VEGFC: variants seen among roughly 807,000 people sequenced by gnomAD.
VEGFC encodes the protein FLT4 ligand DHM.
In VEGFC, 12 loss-of-function variants were observed where a neutral mutation model predicts 46.1. That is an observed-to-expected ratio of 0.26 (90% CI 0.17 to 0.42). VEGFC has a LOEUF of 0.42. VEGFC is among the 10% of genes least tolerant of loss of function. The probability of loss-of-function intolerance (pLI) is 1.00; values close to 1 mark genes in which losing one functional copy is unlikely to be tolerated. For synonymous variants in VEGFC, 232 were observed against 195.5 expected, an observed-to-expected ratio of 1.19 and a Z score of -1.56; for missense variants, 488 against 529.4, an observed-to-expected ratio of 0.92 and a Z score of 0.77.
chr4:176,736,550 A>G (rs1455093510), intron 1 of VEGFC, among the ~76,000 whole-genome samples: 2 of 151,710 alleles, frequency 1.3e-5, no homozygotes, highest in Admixed American at 6.6e-5. Flanking sequence ...AGAATTTAAC[A>G]TAATGCTTAG....
At chr4:176,684,075 G>T in intron 6 of VEGFC, 35 bp from the exon 7 acceptor site, 2 of 1,499,784 alleles carry the variant, frequency 1.3e-6, no homozygotes, top group Non-Finnish European at 1.9e-6. Context: ...TTACGTTAAA[G>T]ATCAAGGCAA....
intron 1 of VEGFC, among the ~76,000 whole-genome samples, chr4:176,777,052 G>T (rs13130742): frequency 0.24 from 36,333 of 152,072 alleles, 5,300 homozygotes; most frequent in Middle Eastern, 0.38. Flanking sequence ...GGTAGCTCAC[G>T]CCTGTAATCC....
chr4:176,736,422 C>A (rs1735055252), intron 1 of VEGFC, among the ~76,000 whole-genome samples: 1 of 151,836 alleles, frequency 6.6e-6, no homozygotes, highest in Non-Finnish European at 1.5e-5. Flanking sequence ...CACTTATCAC[C>A]TGTGGAACTT....
intron 4 of VEGFC, chr4:176,689,448 T>C (rs1265013364): frequency 6.6e-6 from 1 of 152,194 alleles, no homozygotes; most frequent in Non-Finnish European, 1.5e-5. Context: ...ACATCATTTC[T>C]GAAGATTTAC....
intron 1 of VEGFC, among the ~76,000 whole-genome samples, chr4:176,752,764 A>C (rs534440137): frequency 1.8e-4 from 27 of 152,192 alleles, no homozygotes; most frequent in Non-Finnish European, 3.1e-4. Context: ...TAGAATTAGA[A>C]CTTGGCTAAT....
intron 1 of VEGFC, among the ~76,000 whole-genome samples, chr4:176,758,417 G>A (rs1735469999): frequency 6.6e-6 from 1 of 152,068 alleles, no homozygotes; most frequent in Admixed American, 6.6e-5. Context: ...TTCATATTTA[G>A]ATGAACAAGT....
intron 4 of VEGFC, among the ~76,000 whole-genome samples, chr4:176,710,601 TTTC>T (rs1285673466): frequency 6.6e-6 from 1 of 152,172 alleles, no homozygotes; most frequent in African/African-American, 2.4e-5. Context: ...AATGTAAGGT[TTTC>T]TTTTTTGTAA....
intron 4 of VEGFC, among the ~76,000 whole-genome samples, chr4:176,696,826 G>A (rs1416494143): frequency 4.9e-4 from 75 of 152,172 alleles, no homozygotes; most frequent in Admixed American, 4.6e-3. Flanking sequence ...CAGAAATAAC[G>A]CCGCATATCT....
intron 3 of VEGFC, among the ~76,000 whole-genome samples, chr4:176,725,064 A>G (rs1162978482): frequency 6.6e-6 from 1 of 152,186 alleles, no homozygotes; most frequent in Non-Finnish European, 1.5e-5. Context: ...CTGCAAGAGA[A>G]GTACTGTATT....
intron 4 of VEGFC, among the ~76,000 whole-genome samples, chr4:176,703,488 G>C (rs910311259): frequency 6.6e-6 from 1 of 151,984 alleles, no homozygotes; most frequent in African/African-American, 2.4e-5. Flanking sequence ...GGTCAGTTGT[G>C]GGGGGAATGA....
chr4:176,699,813 T>C (rs983329653), intron 4 of VEGFC, among the ~76,000 whole-genome samples: 1 of 152,208 alleles, frequency 6.6e-6, no homozygotes, highest in African/African-American at 2.4e-5. Context: ...GAAATACATA[T>C]ATTTTAGGTT....
chr4:176,775,960 A>G (rs745567351), intron 1 of VEGFC, among the ~76,000 whole-genome samples: 2 of 152,180 alleles, frequency 1.3e-5, no homozygotes, highest in Non-Finnish European at 2.9e-5. Flanking sequence ...GAAATGTGGC[A>G]ATTGAATAAA....
intron 1 of VEGFC, among the ~76,000 whole-genome samples, chr4:176,740,242 AAT>A (rs1326477604): frequency 1.3e-3 from 151 of 117,380 alleles, no homozygotes; most frequent in Non-Finnish European, 1.5e-3. Flanking sequence ...CTATATATAG[AAT>A]ATATATATAG....
intron 1 of VEGFC, among the ~76,000 whole-genome samples, chr4:176,735,818 C>CAAA (rs1018834211): frequency 6.6e-6 from 1 of 151,840 alleles, no homozygotes; most frequent in Admixed American, 6.6e-5. Flanking sequence ...AGGTCATTTT[C>CAAA]AAAATCATCA....
intron 4 of VEGFC, among the ~76,000 whole-genome samples, chr4:176,692,229 C>T (rs1252343054): frequency 6.8e-6 from 1 of 146,290 alleles, no homozygotes; most frequent in Non-Finnish European, 1.5e-5. Context: ...CCCGTCTCTA[C>T]TAAAAATACA....
intron 6 of VEGFC, among the ~76,000 whole-genome samples, chr4:176,685,028 G>A (rs936033945): frequency 6.6e-6 from 1 of 152,146 alleles, no homozygotes; most frequent in Admixed American, 6.6e-5. Context: ...CGCCTGGTGA[G>A]AATTGGAGCT....
At chr4:176,748,238 CT>C in intron 1 of VEGFC, among the ~76,000 whole-genome samples, 1 of 152,142 alleles carries the variant, frequency 6.6e-6, no homozygotes, top group Non-Finnish European at 1.5e-5. Flanking sequence ...AGAATGATTA[CT>C]TTACCATAAT....
intron 4 of VEGFC, among the ~76,000 whole-genome samples, chr4:176,694,690 C>T (rs1734275887): frequency 6.8e-6 from 1 of 146,834 alleles, no homozygotes; most frequent in Admixed American, 6.8e-5. Flanking sequence ...TTTTCAGCAC[C>T]ACACCACACC....
intron 3 of VEGFC, among the ~76,000 whole-genome samples, chr4:176,726,769 A>G (rs527863661): frequency 3.3e-5 from 5 of 152,342 alleles, no homozygotes; most frequent in South Asian, 2.1e-4. Context: ...AACCATGTAG[A>G]TCAGCTAAAG....
Sources: gnomAD v4.1 joint callset for allele counts (sites outside exome capture counted in the v4.1 genomes callset) on GRCh38, gnomAD v4.1.1 for gene constraint, MANE v1.5 for transcripts, NCBI Gene and HGNC (gene_info 2026-07-23, HGNC 2026-07-21) for gene names.